The following MRTFB variants were observed in gnomAD, a reference collection of about 807,000 sequenced individuals.
MRTFB encodes myocardin-related transcription factor B.
In MRTFB, 29 loss-of-function variants were observed where a neutral mutation model predicts 104.2. The ratio of observed to expected loss-of-function variants is 0.28; its 90% CI spans 0.21 to 0.38. The LOEUF (loss-of-function observed/expected upper bound fraction) is 0.38. Among genes scored for constraint, MRTFB ranks in the 10% least tolerant of loss-of-function variants. The probability of loss-of-function intolerance (pLI) is 1.00; values close to 1 mark genes in which losing one functional copy is unlikely to be tolerated. For missense variants in MRTFB, 1,270 were observed against 1,341.6 expected (o/e 0.95, Z 0.83); for synonymous variants, 535 against 519.5 (o/e 1.03, Z -0.41).
At chr16:14,259,688 C>A (rs563783803) in intron 16 of MRTFB, among the ~76,000 whole-genome samples, 3 of 152,188 alleles carry the variant, frequency 2.0e-5, no homozygotes. Context: ...GAAGTGGAGG[C>A]TGCAATGAGC....
intron 2 of MRTFB, among the ~76,000 whole-genome samples, 153 bp from the exon 3 acceptor site, chr16:14,140,387 TTAGA>T (rs2142566997): frequency 1.3e-5 from 2 of 152,330 alleles, no homozygotes; most frequent in East Asian, 3.9e-4. Flanking sequence ...GTTATTCCTG[TTAGA>T]TAAAGAACCT....
Position 14,157,602 on chromosome 16 carries a change from C to T in MRTFB, c.154+16842C>T, listed in dbSNP as rs564809619. ...TAGGAGACAGGGAACAGATGGGAAT[C>T]TCTAGTAGTGGGCTTGGTGAGGGAG... On this transcript the variant is annotated intron_variant, in intron 3 of 16. Transcript: ENST00000571589. 2.6e-5 allele frequency among the ~76,000 whole-genome samples: 4 copies of T among 152,266 alleles called. No individual in the cohort carries two copies. In the South Asian group the frequency reaches 8.3e-4, roughly 32 times the overall value.
chr16:14,170,779 T>C (rs1035885415), intron 3 of MRTFB, among the ~76,000 whole-genome samples: 3 of 149,980 alleles, frequency 2.0e-5, no homozygotes, highest in Admixed American at 1.3e-4. Flanking sequence ...TCTAGAAATA[T>C]ATTATTTATA....
intron 8 of MRTFB, among the ~76,000 whole-genome samples, chr16:14,222,914 A>AC (rs1281799770): frequency 1.1e-4 from 16 of 151,518 alleles, no homozygotes; most frequent in Admixed American, 2.0e-4. Flanking sequence ...GCATGATAGC[A>AC]CACACCTATA....
intron 2 of MRTFB, among the ~76,000 whole-genome samples, chr16:14,110,161 G>A: frequency 6.6e-6 from 1 of 152,174 alleles, no homozygotes; most frequent in Non-Finnish European, 1.5e-5. Context: ...CCCTATGAAG[G>A]GGCAAGGCAA....
chr16:14,140,826 T>C, intron 3 of MRTFB, 66 bp downstream of exon 3: 2 of 1,593,522 alleles, frequency 1.3e-6, no homozygotes, highest in Non-Finnish European at 1.7e-6. Flanking sequence ...GCCCAGTTTA[T>C]TCCTGTTTGG....
At chr16:14,199,805 CT>C (rs1245554588) in intron 3 of MRTFB, among the ~76,000 whole-genome samples, 2 of 152,204 alleles carry the variant, frequency 1.3e-5, no homozygotes, top group African/African-American at 2.4e-5. Context: ...TTACCCTGAG[CT>C]TTTGAAAACC....
At chr16:14,012,295 C>CTTTTT in the MRTFB span, among the ~76,000 whole-genome samples, 3,016 of 107,654 alleles carry the variant, frequency 0.028, 273 homozygotes, top group African/African-American at 0.068. Flanking sequence ...CTTTTTCTTT[C>CTTTTT]TTTCTTTTTT....
chr16:14,200,949 C>T (rs1395334682), intron 3 of MRTFB: 3 of 1,435,746 alleles, frequency 2.1e-6, no homozygotes, highest in Non-Finnish European at 2.9e-6. Flanking sequence ...TAAGACAAAA[C>T]ACTGGAGATG....
chr16:14,131,196 C>G (rs763750264), intron 2 of MRTFB, among the ~76,000 whole-genome samples: 7 of 152,194 alleles, frequency 4.6e-5, no homozygotes, highest in Non-Finnish European at 8.8e-5. Flanking sequence ...ATACCCTATA[C>G]TACACTGTCT....
intron 2 of MRTFB, among the ~76,000 whole-genome samples, chr16:14,136,697 A>G (rs761605431): frequency 2.0e-5 from 3 of 152,184 alleles, no homozygotes; most frequent in Non-Finnish European, 4.4e-5. Flanking sequence ...TCTTGACTCC[A>G]TTCAAAAAAA....
the MRTFB span, among the ~76,000 whole-genome samples, chr16:13,999,500 CAAAA>C: frequency 2.3e-5 from 2 of 88,636 alleles, no homozygotes; most frequent in African/African-American, 3.9e-5. Flanking sequence ...AGCCTTCTGG[CAAAA>C]AAAAAAAAAA....
chr16:14,120,896 T>A (rs968950527), intron 2 of MRTFB, among the ~76,000 whole-genome samples: 2 of 152,296 alleles, frequency 1.3e-5, no homozygotes, highest in Admixed American at 6.5e-5. Context: ...CTGGTAGATA[T>A]AGAAGTAGGG....
At chr16:14,088,906 A>G (rs1324406331) in intron 2 of MRTFB, among the ~76,000 whole-genome samples, 3 of 152,142 alleles carry the variant, frequency 2.0e-5, no homozygotes, top group Non-Finnish European at 4.4e-5. Flanking sequence ...GGTTAATTCC[A>G]TTCTGTACCT....
intron 8 of MRTFB, among the ~76,000 whole-genome samples, chr16:14,227,797 A>G (rs2042076083): frequency 6.6e-6 from 1 of 152,198 alleles, no homozygotes; most frequent in South Asian, 2.1e-4. Flanking sequence ...GGAGGGAGCC[A>G]CCACGCCCTG....
At chr16:14,054,843 G>A in the MRTFB span, among the ~76,000 whole-genome samples, 41 of 152,154 alleles carry the variant, frequency 2.7e-4, no homozygotes, top group Admixed American at 2.7e-3. Context: ...AGAACAGAGG[G>A]TTTCCAGATT....
chr16:14,198,985 A>G (rs1219525044), intron 3 of MRTFB, among the ~76,000 whole-genome samples: 2 of 151,984 alleles, frequency 1.3e-5, no homozygotes, highest in Non-Finnish European at 2.9e-5. Context: ...AACTTGCTCA[A>G]TTATTTTCCA....
At chr16:14,000,772 G>C in the MRTFB span, among the ~76,000 whole-genome samples, 1 of 152,206 alleles carries the variant, frequency 6.6e-6, no homozygotes, top group African/African-American at 2.4e-5. Flanking sequence ...CCATCACACA[G>C]TGTCTGAGTT....
At chr16:14,087,299 C>G (rs1025102669) in intron 2 of MRTFB, among the ~76,000 whole-genome samples, 1 of 152,260 alleles carries the variant, frequency 6.6e-6, no homozygotes, top group East Asian at 1.9e-4. Context: ...GTGAAACTCT[C>G]TAGGTTAAGG....
Sources: gnomAD v4.1 joint callset for allele counts (sites outside exome capture counted in the v4.1 genomes callset) on GRCh38, gnomAD v4.1.1 for gene constraint, MANE v1.5 for transcripts, NCBI Gene and HGNC (gene_info 2026-07-23, HGNC 2026-07-21) for gene names.